Variants in KIR3DL1 observed in about 807,000 individuals in gnomAD.
KIR3DL1 encodes killer cell immunoglobulin-like receptor 3DL1.
A neutral mutation model predicts 40.3 loss-of-function variants in KIR3DL1; 50 were observed. The ratio of observed to expected loss-of-function variants is 1.24; its 90% CI spans 0.99 to 1.57. The LOEUF is 1.57. KIR3DL1 is among the 40% of genes most tolerant of loss of function. The pLI is 0.00. For synonymous variants in KIR3DL1, 257 were observed against 207.2 expected, an observed-to-expected ratio of 1.24 and a Z score of -2.07; for missense variants, 661 against 559.9, an observed-to-expected ratio of 1.18 and a Z score of -1.82.
exon 4 of KIR3DL1, chr19:54,819,777 C>T: frequency 6.2e-7 from 1 of 1,611,222 alleles, no homozygotes; most frequent in Non-Finnish European, 8.5e-7. Flanking sequence ...GAGAGAGAGT[C>T]ATCCTGCAAT....
exon 8 of KIR3DL1, chr19:54,829,944 C>A: frequency 6.5e-7 from 1 of 1,527,186 alleles, no homozygotes; most frequent in Non-Finnish European, 8.9e-7. Context: ...CTGTAATGGA[C>A]CAAGAGCCTG....
chr19:54,819,092 G>A (rs1394484717), intron 3 of KIR3DL1, among the ~76,000 whole-genome samples: 2 of 151,362 alleles, frequency 1.3e-5, no homozygotes, highest in Non-Finnish European at 1.5e-5. Flanking sequence ...TGATTCTCCA[G>A]AGGGAACGCA....
intron 6 of KIR3DL1, among the ~76,000 whole-genome samples, chr19:54,827,811 C>T (rs2061982657): frequency 6.7e-6 from 1 of 150,326 alleles, no homozygotes. Flanking sequence ...AATGTGAAAG[C>T]CCGCTGAATC....
intron 6 of KIR3DL1, among the ~76,000 whole-genome samples, chr19:54,829,150 T>C (rs2062071169): frequency 6.9e-6 from 1 of 145,088 alleles, no homozygotes; most frequent in Admixed American, 7.0e-5. Context: ...GGGTCAAACA[T>C]CTCAACTAAA....
At chr19:54,820,619 GAC>G (rs2061585589) in intron 4 of KIR3DL1, among the ~76,000 whole-genome samples, 1 of 151,292 alleles carries the variant, frequency 6.6e-6, no homozygotes, top group Non-Finnish European at 1.5e-5. Context: ...ATCGCTGAGA[GAC>G]ACAGAGAAAA....
At chr19:54,818,711 C>G in intron 3 of KIR3DL1, 112 bp downstream of exon 3, 1 of 1,411,054 alleles carries the variant, frequency 7.1e-7, no homozygotes, top group African/African-American at 1.5e-5. Context: ...TATTTGGGGT[C>G]AAGGGAGATT....
chr19:54,822,350 T>C (rs594307), intron 5 of KIR3DL1, among the ~76,000 whole-genome samples: 28,199 of 151,120 alleles, frequency 0.19, 3,114 homozygotes, highest in South Asian at 0.32. Context: ...ATATGCTGGG[T>C]GTGGTGGTTC....
chr19:54,816,629 A>G (rs598375), intron 1 of KIR3DL1, 95 bp downstream of exon 1: 634,482 of 1,232,196 alleles, frequency 0.51, 179,269 homozygotes, highest in East Asian at 0.8. Flanking sequence ...TTATGGGCCT[A>G]GAGGTGGAGT....
chr19:54,824,699 G>A (rs549839891), intron 5 of KIR3DL1, among the ~76,000 whole-genome samples: 1 of 150,908 alleles, frequency 6.6e-6, no homozygotes, highest in Admixed American at 6.6e-5. Flanking sequence ...AAAAGCCATT[G>A]GATGTAAATG....
chr19:54,829,533 CTG>C lies in KIR3DL1; in HGVS notation c.1105+74_1105+75del, dbSNP rs144006289. 14,437 of 1,141,080 alleles carry C rather than the reference CTG, an allele frequency of 0.013. 2,334 individuals carry two copies. The African/African-American group carries it at 0.19, about 15-fold the overall frequency. 70.7% of individuals were successfully genotyped at this position (1,141,080 alleles called of 1,614,324 possible). A position where few individuals can be genotyped will look rare whatever the true frequency, so the allele number is the denominator to read the frequency against. On this transcript the variant is annotated intron_variant, in intron 7 of 8. Transcript: ENST00000391728. ...GGGGAAGCAGGATGGGAGCACACAG[CTG>C]TGTGTTCCTCACTGGCAGGATGGTC...
chr19:54,819,630 G>T (rs1413169003), intron 3 of KIR3DL1, 83 bp from the exon 4 acceptor site: 1 of 1,474,244 alleles, frequency 6.8e-7, no homozygotes, highest in Non-Finnish European at 9.3e-7. Context: ...CAGACACGGG[G>T]AGGGGAACCC....
Position 54,819,945 on chromosome 19 carries a change from C to T in KIR3DL1, c.588C>T (p.Tyr196=), listed in dbSNP as rs747672880. ...CCCTTGCAGGGACCTACAGATGCTA[C>T]GGTTCTGTTACTCACACCCCCTATC... is the stretch of plus-strand genomic sequence containing the variant. Residue 196 remains tyrosine, a synonymous_variant, in exon 4 of 9, where the codon TAC becomes TAT. Coordinates refer to ENST00000391728, the Ensembl canonical transcript of KIR3DL1. The T allele has an allele frequency of 7.4e-6, 12 of 1,611,886 alleles. 1 individual carries two copies. Among genetic ancestry groups the T allele is most frequent in the East Asian group, 4.5e-5 (2 of 44,768 alleles).
chr19:54,819,868 A>G, exon 4 of KIR3DL1: 1 of 1,612,220 alleles, frequency 6.2e-7, no homozygotes, highest in Non-Finnish European at 8.5e-7. Context: ...CGTTGGACAG[A>G]TCCATGATGG....
chr19:54,819,856 C>G (rs779085160), exon 4 of KIR3DL1: 2 of 1,612,190 alleles, frequency 1.2e-6, no homozygotes, highest in African/African-American at 1.3e-5. Flanking sequence ...CCCCTCACGC[C>G]TCGTTGGACA....
chr19:54,817,297 C>A (rs2148057411), intron 1 of KIR3DL1, among the ~76,000 whole-genome samples: 1 of 146,580 alleles, frequency 6.8e-6, no homozygotes, highest in East Asian at 2.0e-4. Flanking sequence ...GAGATACGGA[C>A]CTGGAGTGGA....
At chr19:54,825,446 G>A (rs1190241477) in intron 6 of KIR3DL1, among the ~76,000 whole-genome samples, 1 of 150,364 alleles carries the variant, frequency 6.7e-6, no homozygotes, top group Non-Finnish European at 1.5e-5. Context: ...TTTTAGAGAA[G>A]TTCCACTTGC....
intron 4 of KIR3DL1, among the ~76,000 whole-genome samples, chr19:54,820,901 A>T (rs1033631675): frequency 3.3e-5 from 5 of 151,324 alleles, no homozygotes; most frequent in African/African-American, 1.2e-4. Context: ...AGAGAGAGAG[A>T]TGATAGATGG....
intron 1 of KIR3DL1, among the ~76,000 whole-genome samples, chr19:54,816,740 G>T (rs2061353747): frequency 2.8e-5 from 4 of 141,710 alleles, no homozygotes; most frequent in Middle Eastern, 3.8e-3. Flanking sequence ...GGAGATCTGG[G>T]CCTGGAGTGG....
intron 6 of KIR3DL1, among the ~76,000 whole-genome samples, chr19:54,825,552 C>A (rs1436390523): frequency 6.7e-6 from 1 of 150,150 alleles, no homozygotes; most frequent in East Asian, 1.9e-4. Context: ...TGCACGCACA[C>A]TTCGACTCAC....
Sources: gnomAD v4.1 joint callset for allele counts (sites outside exome capture counted in the v4.1 genomes callset) on GRCh38, gnomAD v4.1.1 for gene constraint, MANE v1.5 for transcripts, NCBI Gene and HGNC (gene_info 2026-07-23, HGNC 2026-07-21) for gene names.